The following ROBO1 variants were observed in gnomAD, a reference collection of about 807,000 sequenced individuals.
ROBO1 encodes the protein roundabout guidance receptor 1.
In ROBO1, 149 loss-of-function variants were observed where a neutral mutation model predicts 195.9. The observed-to-expected ratio is 0.76, with a 90% CI of 0.67 to 0.87. The LOEUF is 0.87. Among genes scored for constraint, ROBO1 ranks in the 40% least tolerant of loss-of-function variants. The pLI, the probability that ROBO1 is intolerant of heterozygous loss-of-function variation, is 0.00. For missense variants in ROBO1, 1,933 were observed against 2,068.3 expected, an observed-to-expected ratio of 0.93 and a Z score of 1.27; for synonymous variants, 816 against 733.2, an observed-to-expected ratio of 1.11 and a Z score of -1.82.
In ROBO1 at chr3:78,688,686, G is replaced by A; in HGVS notation, c.1132C>T (p.Pro378Ser). The A allele has an allele frequency of 6.2e-7, 1 of 1,607,544 alleles. No homozygotes were observed. The highest frequency in any genetic ancestry group is 8.5e-7 in the Non-Finnish European group (1 of 1,176,666). ...CTCCTCCAGAAAATAGCTGGTTGAG[G>A]ATTTCCGGTTGCTTCACACTGAAAA... ...VTFQCEATGN[P>S]QPAIFWRREG... is the part of the protein sequence containing the mutation. The change falls in exon 9 of 31, where the codon CCT becomes TCT. Residue 378 changes from proline to serine, a missense_variant. Physicochemically the swap from Pro to Ser is moderately conservative, Grantham distance 74. Coordinates refer to ENST00000464233, the MANE Select transcript of ROBO1 (RefSeq NM_002941.4).
At chr3:79,044,410 A>G (rs928621774) in intron 3 of ROBO1, among the ~76,000 whole-genome samples, 7 of 152,186 alleles carry the variant, frequency 4.6e-5, no homozygotes, top group African/African-American at 1.7e-4. Flanking sequence ...ATTTAATTTA[A>G]TAGCCAATGA....
chr3:79,383,675 A>T (rs2036644493), intron 2 of ROBO1, among the ~76,000 whole-genome samples: 1 of 152,120 alleles, frequency 6.6e-6, no homozygotes, highest in Admixed American at 6.5e-5. Flanking sequence ...CTACCAAAAA[A>T]GTAGGCATGA....
At chr3:78,679,621 G>A (rs1323447026) in intron 10 of ROBO1, among the ~76,000 whole-genome samples, 3 of 152,050 alleles carry the variant, frequency 2.0e-5, no homozygotes, top group Non-Finnish European at 4.4e-5. Context: ...AACTTACAAG[G>A]GATGTGAAGG....
chr3:79,728,252 C>A (rs1251493593), intron 1 of ROBO1, among the ~76,000 whole-genome samples: 1 of 151,868 alleles, frequency 6.6e-6, no homozygotes, highest in African/African-American at 2.4e-5. Context: ...GCAGAAATTC[C>A]TTTAATCTTG....
Position 79,700,718 on chromosome 3 carries a change from GTTAT to G in ROBO1, c.-51+67030_-51+67033del, listed in dbSNP as rs1296625458. ...TGTCTTTTGCCTACTTTTTAATGGG[GTTAT>G]TTGTTTTTTGCTCTTTCAATTAAGT... On this transcript the variant is annotated intron_variant, in intron 1 of 30. Transcript: ENST00000464233. Among the ~76,000 whole-genome samples the G allele has an allele frequency of 2.0e-4, 31 of 151,670 alleles. 1 individual carries two copies. The highest frequency in any genetic ancestry group is 2.9e-5 in the Non-Finnish European group (2 of 67,806).
chr3:79,108,290 T>TC (rs1444304010), intron 3 of ROBO1, among the ~76,000 whole-genome samples: 2 of 151,764 alleles, frequency 1.3e-5, no homozygotes, highest in Non-Finnish European at 3.0e-5. Context: ...AAAATGCATT[T>TC]CTGTCATTGA....
intron 1 of ROBO1, among the ~76,000 whole-genome samples, chr3:79,646,488 A>T (rs1945825680): frequency 6.6e-6 from 1 of 152,146 alleles, no homozygotes; most frequent in African/African-American, 2.4e-5. Flanking sequence ...ACTATGAAAA[A>T]TTGTATGTAA....
chr3:79,638,115 T>C (rs1576159741), intron 1 of ROBO1, among the ~76,000 whole-genome samples: 1 of 152,148 alleles, frequency 6.6e-6, no homozygotes, highest in Admixed American at 6.6e-5. Context: ...ATTAGGAAAG[T>C]AAGACAAACA....
intron 3 of ROBO1, among the ~76,000 whole-genome samples, chr3:78,946,471 C>T (rs1420095018): frequency 2.0e-5 from 3 of 152,154 alleles, no homozygotes; most frequent in Admixed American, 6.5e-5. Flanking sequence ...CAAGCAAATG[C>T]TGAGAGATTT....
At position 79,535,856 on chromosome 3, in the gene ROBO1, AC is replaced by A. The variant is rs112531540; in HGVS notation, c.88+53967del. 3.2e-3 allele frequency among the ~76,000 whole-genome samples: 486 copies of A among 151,920 alleles called. 4 individuals are homozygous for A. The highest frequency in any genetic ancestry group is 0.011 in the African/African-American group (457 of 41,466). On this transcript the variant is annotated intron_variant, in intron 2 of 30. Coordinates refer to ENST00000464233, the MANE Select transcript of ROBO1 (RefSeq NM_002941.4). ...CTCTTCTCTCGATCCCATTCCTTTT[AC>A]CAATATGAGGATTTTCTTCAAGAGG...
chr3:79,755,462 G>A (rs1576323208), intron 1 of ROBO1, among the ~76,000 whole-genome samples: 2 of 152,216 alleles, frequency 1.3e-5, no homozygotes, highest in East Asian at 3.9e-4. Context: ...CCCTCTGCGT[G>A]TTAGATGAAA....
At chr3:79,100,974 T>C (rs1300920999) in intron 3 of ROBO1, among the ~76,000 whole-genome samples, 2 of 151,832 alleles carry the variant, frequency 1.3e-5, no homozygotes, top group African/African-American at 2.4e-5. Context: ...TTAGTACCTA[T>C]GGCAAAGAAG....
intron 3 of ROBO1, among the ~76,000 whole-genome samples, chr3:78,942,905 C>G (rs1006082784): frequency 6.6e-6 from 1 of 151,980 alleles, no homozygotes; most frequent in African/African-American, 2.4e-5. Flanking sequence ...TAGTGAGACC[C>G]CATCTCTAAA....
chr3:78,679,790 C>G (rs1195431383), intron 10 of ROBO1, among the ~76,000 whole-genome samples: 11 of 152,134 alleles, frequency 7.2e-5, no homozygotes, highest in African/African-American at 1.7e-4. Flanking sequence ...CCATCCCCAT[C>G]AAGCTACCAA....
chr3:79,716,395 A>C (rs1425242997), intron 1 of ROBO1, among the ~76,000 whole-genome samples: 1 of 152,034 alleles, frequency 6.6e-6, no homozygotes, highest in Non-Finnish European at 1.5e-5. Flanking sequence ...TGAACAGTAC[A>C]TTCTGTAAAT....
intron 29 of ROBO1, among the ~76,000 whole-genome samples, chr3:78,601,410 A>G (rs6786778): frequency 0.26 from 39,033 of 152,012 alleles, 5,143 homozygotes; most frequent in Middle Eastern, 0.38. Context: ...CATTCTACTC[A>G]TCACAACTTT....
rs536343636 is a variant in ROBO1, at chr3:79,683,629, C to T, written c.-51+84123G>A. Among the ~76,000 whole-genome samples the T allele has an allele frequency of 3.3e-5, 5 of 152,198 alleles. No homozygotes were observed. In the South Asian group the frequency reaches 1.0e-3, roughly 32 times the overall value. ...ATTTCCCCTCATCTCCAGCTCCTGG[C>T]AATCACTAATCTACTTTCTGTCTCT... On this transcript the variant is annotated intron_variant, in intron 1 of 30. Coordinates refer to ENST00000464233, the MANE Select transcript of ROBO1 (RefSeq NM_002941.4).
intron 2 of ROBO1, among the ~76,000 whole-genome samples, chr3:79,504,896 C>A (rs1225777544): frequency 2.0e-5 from 3 of 151,910 alleles, no homozygotes; most frequent in African/African-American, 7.3e-5. Flanking sequence ...TGCGGAGATA[C>A]TTAGTAGAGC....
At chr3:79,218,019 A>G (rs1414530184) in intron 2 of ROBO1, among the ~76,000 whole-genome samples, 1 of 151,860 alleles carries the variant, frequency 6.6e-6, no homozygotes, top group Non-Finnish European at 1.5e-5. Flanking sequence ...GGGAAATATT[A>G]GGAAATCTTA....
Sources: gnomAD v4.1 joint callset for allele counts (sites outside exome capture counted in the v4.1 genomes callset) on GRCh38, gnomAD v4.1.1 for gene constraint, MANE v1.5 for transcripts, NCBI Gene and HGNC (gene_info 2026-07-23, HGNC 2026-07-21) for gene names.